Variants in CHUK observed in about 807,000 individuals in gnomAD.
CHUK encodes the protein component of inhibitor of nuclear factor kappa B kinase complex.
In CHUK, 35 loss-of-function variants were observed where a neutral mutation model predicts 104.8. The observed-to-expected ratio is 0.33, with a 90% CI of 0.26 to 0.44. CHUK has a LOEUF of 0.44. CHUK is among the 20% of genes least tolerant of loss of function. The pLI is 1.00. For missense variants in CHUK, 663 were observed against 902.7 expected, an observed-to-expected ratio of 0.73 and a Z score of 3.40; for synonymous variants, 276 against 291.9, an observed-to-expected ratio of 0.95 and a Z score of 0.56.
intron 1 of CHUK, among the ~76,000 whole-genome samples, chr10:100,227,371 T>A (rs1013890424): frequency 1.3e-5 from 2 of 152,202 alleles, no homozygotes; most frequent in African/African-American, 4.8e-5. Flanking sequence ...ATAAATGTTG[T>A]GTTATGTATA....
chr10:100,192,010 C>T (rs1048435806), intron 19 of CHUK, among the ~76,000 whole-genome samples: 4 of 152,078 alleles, frequency 2.6e-5, no homozygotes, highest in Admixed American at 6.5e-5. Context: ...CCCAGCTACT[C>T]GGGAAGCTGA....
At chr10:100,226,040 GA>G (rs572441235) in intron 1 of CHUK, 23 bp from the exon 2 acceptor site, 399 of 1,306,592 alleles carry the variant, frequency 3.1e-4, no homozygotes, top group African/African-American at 3.9e-4. Context: ...AAAATCAACA[GA>G]AAAAAAAAAT....
At chr10:100,199,927 A>C in intron 16 of CHUK, 44 bp downstream of exon 16, 4 of 1,353,142 alleles carry the variant, frequency 3.0e-6, no homozygotes, top group Non-Finnish European at 3.2e-6. Flanking sequence ...GGCTAGTGAT[A>C]GTTACCTAAA....
chr10:100,200,187 G>A (rs1251636964), intron 15 of CHUK, among the ~76,000 whole-genome samples, 167 bp from the exon 16 acceptor site: 1 of 152,118 alleles, frequency 6.6e-6, no homozygotes, highest in Non-Finnish European at 1.5e-5. Context: ...AACTATACAA[G>A]TTCTTAAAAT....
chr10:100,220,076 C>T (rs1272256882), intron 5 of CHUK, among the ~76,000 whole-genome samples: 3 of 152,128 alleles, frequency 2.0e-5, no homozygotes, highest in Non-Finnish European at 4.4e-5. Context: ...ATGAAATGAA[C>T]ATTTTAAGAG....
chr10:100,207,247 T>C lies in CHUK; in HGVS notation c.1214A>G (p.Asp405Gly). The C allele has an allele frequency of 6.6e-7, 1 of 1,505,012 alleles. No homozygotes were observed. The highest frequency in any genetic ancestry group is 9.2e-7 in the Non-Finnish European group (1 of 1,081,720). 93.2% of individuals were successfully genotyped at this position (1,505,012 alleles called of 1,614,324 possible). Residue 405 changes from aspartate to glycine, a missense_variant, in exon 11 of 21, where the codon GAT (aspartate) becomes GGT (glycine). Transcript: ENST00000370397. Reference protein sequence around the residue: ...EGPFASRSLSDCVNYIVQDSK... With the variant: ...EGPFASRSLSGCVNYIVQDSK... ...GGACTTACCAATATAATTTACACAATCAGATAAACTTCTGGAAGCAAATGG... is the reference window on the plus strand; with the variant it reads ...GGACTTACCAATATAATTTACACAACCAGATAAACTTCTGGAAGCAAATGG...
At chr10:100,205,860 G>A (rs994183214) in intron 11 of CHUK, among the ~76,000 whole-genome samples, 2 of 152,200 alleles carry the variant, frequency 1.3e-5, no homozygotes, top group South Asian at 4.1e-4. Context: ...CCCGGGAGGT[G>A]GGGGTTGCAG....
intron 16 of CHUK, among the ~76,000 whole-genome samples, chr10:100,197,768 A>C (rs897973824): frequency 5.9e-5 from 9 of 152,130 alleles, no homozygotes; most frequent in African/African-American, 2.2e-4. Context: ...GGTTACTGCT[A>C]CTTGAGATAC....
chr10:100,198,325 A>G (rs906001962), intron 16 of CHUK, among the ~76,000 whole-genome samples: 2 of 152,218 alleles, frequency 1.3e-5, no homozygotes, highest in Non-Finnish European at 2.9e-5. Flanking sequence ...TTCCCATTTC[A>G]TCACACAAAA....
chr10:100,219,228 T>A, intron 6 of CHUK, 42 bp downstream of exon 6: 1 of 1,542,144 alleles, frequency 6.5e-7, no homozygotes, highest in South Asian at 1.1e-5. Context: ...AATAAGAGAA[T>A]CCTATACACA....
At position 100,200,217 on chromosome 10, in the gene CHUK, A is replaced by G. The variant is rs552047679; in HGVS notation, c.1680-197T>C. ...TAAAATGCAAAGTTTAATATAGTTC[A>G]TATCTATTCTGATCTATCATGGGGA... On this transcript the variant is annotated intron_variant, in intron 15 of 20. Coordinates refer to ENST00000370397, the MANE Select transcript of CHUK (RefSeq NM_001278.5). 2.6e-5 allele frequency among the ~76,000 whole-genome samples: 4 copies of G among 152,350 alleles called. No individual in the cohort carries two copies. In the South Asian group the frequency reaches 8.3e-4, roughly 32 times the overall value.
chr10:100,222,946 C>T lies in CHUK; in HGVS notation c.235G>A (p.Val79Ile). Residue 79 changes from valine to isoleucine, a missense_variant, in exon 3 of 21, where the codon GTT becomes ATT. Val to Ile is a conservative substitution (Grantham distance 29, BLOSUM62 3). Transcript: ENST00000370397. ...NHANVVKACD[V>I]PEELNILIHD... ...ATCAAAATATTCAATTCTTCAGGAA[C>T]ATCACAGGCCTTTACAACATTGGCA... 1 of 1,604,906 alleles carries T rather than the reference C, an allele frequency of 6.2e-7. No individual in the cohort carries two copies. The highest frequency in any genetic ancestry group is 8.5e-7 in the Non-Finnish European group (1 of 1,171,970).
chr10:100,194,168 G>A, intron 17 of CHUK, 37 bp from the exon 18 acceptor site: 4 of 1,608,794 alleles, frequency 2.5e-6, no homozygotes, highest in Non-Finnish European at 3.4e-6. Context: ...ACTTTCACAT[G>A]CCCCAAGACT....
At chr10:100,212,525 T>A (rs1845753432) in intron 9 of CHUK, among the ~76,000 whole-genome samples, 1 of 152,238 alleles carries the variant, frequency 6.6e-6, no homozygotes, top group Non-Finnish European at 1.5e-5. Flanking sequence ...GAGTTTCTTA[T>A]AAATTTAGGA....
rs746055888 is a variant in CHUK, at chr10:100,189,549, T to C, written c.*49A>G. The C allele has an allele frequency of 6.7e-7, 1 of 1,494,944 alleles. No individual in the cohort carries two copies. The highest frequency in any genetic ancestry group is 1.4e-5 in the African/African-American group (1 of 72,592). The allele number at this position is 1,494,944 out of a possible 1,614,324, so 92.6% of individuals were successfully genotyped here. ...ATGGGGGAAAAACACATTTCCAACA[T>C]GTATAGCAACAACTTCCATAGGTTT... On this transcript the variant is annotated 3_prime_UTR_variant, in exon 21 of 21. Coordinates refer to ENST00000370397, the MANE Select transcript of CHUK (RefSeq NM_001278.5).
rs774231796 is a variant in CHUK, at chr10:100,193,305, G to C, written c.2101C>G (p.Gln701Glu). ...GTTACAAAGTAAACCCACCCATCTT[G>C]AGGAGTTACCACACATGACAGAGAA... is the stretch of plus-strand genomic sequence containing the variant. ...DHSLSCVVTP[Q>E]DGETSAQMIE... is the part of the protein sequence containing the mutation. Residue 701 changes from glutamine to glutamate, a missense_variant, in exon 19 of 21, where the codon CAA becomes GAA. Gln to Glu is a conservative substitution (Grantham distance 29, BLOSUM62 2). This residue lies in a region of CHUK where 311 missense variants were observed against 393.4 expected (regional missense o/e 0.79). Transcript: ENST00000370397. The C allele has an allele frequency of 6.2e-7, 1 of 1,614,084 alleles. No homozygotes were observed. Among genetic ancestry groups the C allele is most frequent in the South Asian group, 1.1e-5 (1 of 91,076 alleles).
At chr10:100,196,990 C>T (rs1164231006) in intron 16 of CHUK, among the ~76,000 whole-genome samples, 1 of 152,186 alleles carries the variant, frequency 6.6e-6, no homozygotes, top group Non-Finnish European at 1.5e-5. Flanking sequence ...AGGGACCTCC[C>T]TCTCCACAGG....
At chr10:100,225,010 T>C (rs1211835949) in intron 2 of CHUK, among the ~76,000 whole-genome samples, 2 of 151,576 alleles carry the variant, frequency 1.3e-5, no homozygotes, top group Admixed American at 1.3e-4. Context: ...CCACCACACA[T>C]AGCTAGTTTT....
intron 9 of CHUK, among the ~76,000 whole-genome samples, chr10:100,216,602 G>A (rs1035695807): frequency 1.3e-5 from 2 of 152,164 alleles, no homozygotes; most frequent in Non-Finnish European, 2.9e-5. Flanking sequence ...TACTCTGGAG[G>A]CTGAAGCAGG....
Sources: gnomAD v4.1 joint callset for allele counts (sites outside exome capture counted in the v4.1 genomes callset) on GRCh38, gnomAD v4.1.1 for gene constraint, gnomAD v4.1.1 regional missense constraint, MANE v1.5 for transcripts, NCBI Gene and HGNC (gene_info 2026-07-23, HGNC 2026-07-21) for gene names.